Variants in PPP2R2B observed in about 807,000 individuals in gnomAD.
The protein encoded by PPP2R2B is protein phosphatase 2 regulatory subunit Bbeta, also known as serine/threonine-protein phosphatase 2A 55 kDa regulatory subunit B beta isoform.
In PPP2R2B, 5 loss-of-function variants were observed where a neutral mutation model predicts 46.0. The ratio of observed to expected loss-of-function variants is 0.11; its 90% CI spans 0.06 to 0.23. PPP2R2B has a LOEUF of 0.23. Among genes scored for constraint, PPP2R2B ranks in the 10% least tolerant of loss-of-function variants. PPP2R2B has a pLI of 1.00. For missense variants in PPP2R2B, 367 were observed against 575.0 expected (o/e 0.64, Z 3.70); for synonymous variants, 215 against 206.7 (o/e 1.04, Z -0.34).
At chr5:146,995,595 T>A (rs1753888912) in intron 1 of PPP2R2B, among the ~76,000 whole-genome samples, 1 of 152,204 alleles carries the variant, frequency 6.6e-6, no homozygotes, top group Admixed American at 6.5e-5. Flanking sequence ...TCTCCCACCT[T>A]CCCACAAGTT....
intron 1 of PPP2R2B, chr5:146,917,968 T>A (rs973210670): frequency 6.6e-6 from 1 of 152,224 alleles, no homozygotes; most frequent in African/African-American, 2.4e-5. Flanking sequence ...ATGCAAGCTA[T>A]CTGCTTTTCA....
chr5:146,676,667 T>C (rs574176369), intron 5 of PPP2R2B, among the ~76,000 whole-genome samples: 2 of 152,266 alleles, frequency 1.3e-5, no homozygotes, highest in Admixed American at 1.3e-4. Flanking sequence ...CTGTCGGCTT[T>C]ACATTAGGAG....
intron 2 of PPP2R2B, among the ~76,000 whole-genome samples, chr5:146,742,152 G>A (rs778443809): frequency 2.0e-5 from 3 of 152,172 alleles, no homozygotes; most frequent in Non-Finnish European, 4.4e-5. Flanking sequence ...CTCAACAGCC[G>A]CCGGGGGGAA....
chr5:147,026,482 T>C (rs754153594), intron 1 of PPP2R2B, among the ~76,000 whole-genome samples: 5 of 152,100 alleles, frequency 3.3e-5, no homozygotes, highest in Non-Finnish European at 7.4e-5. Flanking sequence ...AGAAACTTTT[T>C]GAGGGTAATA....
chr5:147,071,395 G>T (rs765268091), intron 2 of PPP2R2B, among the ~76,000 whole-genome samples: 6 of 152,118 alleles, frequency 3.9e-5, no homozygotes, highest in African/African-American at 1.4e-4. Flanking sequence ...TCAACTAGTG[G>T]CTCTCTATTT....
chr5:146,955,552 A>C (rs1751853365), intron 1 of PPP2R2B, among the ~76,000 whole-genome samples: 1 of 152,068 alleles, frequency 6.6e-6, no homozygotes, highest in African/African-American at 2.4e-5. Flanking sequence ...TAGACCCATA[A>C]AAAAATTAAG....
intron 2 of PPP2R2B, among the ~76,000 whole-genome samples, chr5:146,704,319 G>T (rs1779708231): frequency 6.6e-6 from 1 of 152,214 alleles, no homozygotes. Flanking sequence ...TATGGTAAGA[G>T]GATGTAGTAA....
At chr5:146,776,338 T>C (rs1755181144) in intron 2 of PPP2R2B, among the ~76,000 whole-genome samples, 1 of 152,054 alleles carries the variant, frequency 6.6e-6, no homozygotes, top group South Asian at 2.1e-4. Context: ...AGCCCAGAAA[T>C]AAACCATCAT....
At chr5:147,029,003 G>A (rs1230292248) in intron 1 of PPP2R2B, among the ~76,000 whole-genome samples, 1 of 152,148 alleles carries the variant, frequency 6.6e-6, no homozygotes, top group Non-Finnish European at 1.5e-5. Flanking sequence ...CTATTGAGCT[G>A]TCAGAGTCTT....
intron 2 of PPP2R2B, among the ~76,000 whole-genome samples, chr5:147,073,475 T>C (rs1015224573): frequency 1.3e-5 from 2 of 152,128 alleles, no homozygotes; most frequent in East Asian, 3.9e-4. Context: ...CAAAGTGAAG[T>C]TGCATAGGAA....
intron 2 of PPP2R2B, among the ~76,000 whole-genome samples, chr5:146,805,010 G>A (rs1757087832): frequency 6.6e-6 from 1 of 152,142 alleles, no homozygotes; most frequent in Non-Finnish European, 1.5e-5. Flanking sequence ...GTCCCAAGAT[G>A]GCACCATAAA....
At chr5:146,799,017 C>CA (rs1756705048) in intron 2 of PPP2R2B, among the ~76,000 whole-genome samples, 1 of 152,076 alleles carries the variant, frequency 6.6e-6, no homozygotes, top group Non-Finnish European at 1.5e-5. Flanking sequence ...CTGAATACTC[C>CA]GAGGTGACTT....
intron 1 of PPP2R2B, among the ~76,000 whole-genome samples, chr5:146,934,979 T>A (rs1764094083): frequency 6.6e-6 from 1 of 152,178 alleles, no homozygotes; most frequent in Non-Finnish European, 1.5e-5. Flanking sequence ...CTCCATCAGT[T>A]ACCATTGATT....
chr5:146,982,465 A>G (rs924093532), intron 1 of PPP2R2B, among the ~76,000 whole-genome samples: 1 of 152,146 alleles, frequency 6.6e-6, no homozygotes, highest in Admixed American at 6.5e-5. Context: ...AGTCCAGGTT[A>G]TGGTCTAGGT....
chr5:146,960,041 C>A (rs1056215438), intron 1 of PPP2R2B, among the ~76,000 whole-genome samples: 1 of 152,082 alleles, frequency 6.6e-6, no homozygotes, highest in African/African-American at 2.4e-5. Context: ...AATTGTAAAC[C>A]CTTCTTTCCT....
chr5:146,701,319 AT>A, intron 2 of PPP2R2B, 177 bp from the exon 3 acceptor site: 1 of 748,236 alleles, frequency 1.3e-6, no homozygotes, highest in Non-Finnish European at 2.4e-6. Context: ...TGGGAAGTAA[AT>A]TTCCTAGATG....
At chr5:146,774,025 A>G (rs1041734233) in intron 2 of PPP2R2B, among the ~76,000 whole-genome samples, 4 of 152,218 alleles carry the variant, frequency 2.6e-5, no homozygotes, top group South Asian at 4.1e-4. Flanking sequence ...AAGCAAAACA[A>G]GAGAGAAAAC....
At chr5:146,929,016 A>G (rs1176182486) in intron 1 of PPP2R2B, among the ~76,000 whole-genome samples, 1 of 152,120 alleles carries the variant, frequency 6.6e-6, no homozygotes, top group East Asian at 1.9e-4. Context: ...TTCTTCAAAT[A>G]TCCAAGTGAC....
intron 2 of PPP2R2B, among the ~76,000 whole-genome samples, chr5:147,067,498 T>C (rs1757449521): frequency 6.6e-6 from 1 of 152,180 alleles, no homozygotes; most frequent in Non-Finnish European, 1.5e-5. Context: ...TCTTTCTTTT[T>C]CCAGGCCAAG....
Sources: allele counts gnomAD v4.1 joint callset (sites outside exome capture counted in the v4.1 genomes callset), GRCh38; gene constraint gnomAD v4.1.1; transcripts MANE v1.5; gene names NCBI Gene and HGNC (gene_info 2026-07-23, HGNC 2026-07-21).